TBCE: variants seen among roughly 807,000 people sequenced by gnomAD.
TBCE encodes the protein tubulin folding cofactor E.
In TBCE, 53 loss-of-function variants were observed where a neutral mutation model predicts 77.0. That is an observed-to-expected ratio of 0.69 (90% CI 0.55 to 0.87). The LOEUF is 0.87. Among genes scored for constraint, TBCE ranks in the 40% least tolerant of loss-of-function variants. The probability of loss-of-function intolerance (pLI) is 0.00; values close to 1 mark genes in which losing one functional copy is unlikely to be tolerated. For synonymous variants in TBCE, 235 were observed against 241.3 expected, an observed-to-expected ratio of 0.97 and a Z score of 0.24; for missense variants, 624 against 622.4, an observed-to-expected ratio of 1.00 and a Z score of -0.03.
Position 235,438,526 on chromosome 1 carries a change from C to T in TBCE, c.1117-243C>T, listed in dbSNP as rs902162052. ...TCATGCCACTGCACTCTAGCCTGGG[C>T]GACACAGCGAGACTCCATCTCAAAT... On this transcript the variant is annotated intron_variant, in intron 12 of 16. Transcript: ENST00000642610. 4.8e-5 allele frequency among the ~76,000 whole-genome samples: 7 copies of T among 147,262 alleles called. No individual in the cohort carries two copies. The East Asian group carries it at 7.9e-4, about 17-fold the overall frequency.
intron 3 of TBCE, among the ~76,000 whole-genome samples, chr1:235,408,628 C>A (rs1679602350): frequency 6.6e-6 from 1 of 152,096 alleles, no homozygotes; most frequent in Admixed American, 6.6e-5. Flanking sequence ...AAAGAGCAGT[C>A]TACAGCAAGG....
intron 7 of TBCE, chr1:235,432,855 A>T (rs983476832): frequency 1.1e-4 from 56 of 523,956 alleles, no homozygotes; most frequent in Non-Finnish European, 1.4e-4. Flanking sequence ...GATCCTGTAG[A>T]TGCTATATAT....
chr1:235,401,615 T>C (rs749047301), intron 3 of TBCE, 28 bp downstream of exon 3: 2 of 1,559,946 alleles, frequency 1.3e-6, no homozygotes, highest in Non-Finnish European at 1.8e-6. Flanking sequence ...ATCAGCACGG[T>C]CATTTAGTCA....
chr1:235,405,225 A>C (rs1490164890), intron 3 of TBCE, among the ~76,000 whole-genome samples: 1 of 151,652 alleles, frequency 6.6e-6, no homozygotes, highest in East Asian at 1.9e-4. Context: ...GGCTTCCCAA[A>C]TTGCTGAGAT....
intron 2 of TBCE, among the ~76,000 whole-genome samples, chr1:235,400,716 C>T (rs559648520): frequency 2.5e-5 from 3 of 118,076 alleles, no homozygotes; most frequent in East Asian, 2.7e-4. Flanking sequence ...TTTTTTGAGA[C>T]GGAATTTTGC....
At chr1:235,372,700 G>A (rs1310397053) in intron 1 of TBCE, among the ~76,000 whole-genome samples, 5 of 151,882 alleles carry the variant, frequency 3.3e-5, no homozygotes, top group South Asian at 2.1e-4. Flanking sequence ...CGAGGCGGGC[G>A]GATCTCGAGG....
chr1:235,372,944 AAG>A (rs1166845575), intron 1 of TBCE, among the ~76,000 whole-genome samples: 104 of 151,318 alleles, frequency 6.9e-4, no homozygotes, highest in African/African-American at 1.8e-3. Flanking sequence ...AAAAAAAAAA[AAG>A]AGAGAAATTA....
At position 235,423,153 on chromosome 1, in the gene TBCE, G is replaced by C. The variant is rs552304987; in HGVS notation, c.460+3592G>C. 3.9e-5 allele frequency among the ~76,000 whole-genome samples: 6 copies of C among 152,134 alleles called. No homozygotes were observed. The East Asian group carries it at 9.7e-4, about 25-fold the overall frequency. On this transcript the variant is annotated intron_variant, in intron 5 of 16. Coordinates refer to ENST00000642610, the MANE Select transcript of TBCE (RefSeq NM_003193.5). ...GAGGTTATTTACTCTACCAGAACTC[G>C]AGGCAGTGGGAGAGCTGCAGACCCG...
chr1:235,423,200 C>T (rs114160706), intron 5 of TBCE, among the ~76,000 whole-genome samples: 76 of 152,226 alleles, frequency 5.0e-4, no homozygotes, highest in African/African-American at 1.8e-3. Context: ...TCTGAGGGTA[C>T]TTCCAGGGGA....
chr1:235,422,744 G>A (rs550449653), intron 5 of TBCE, among the ~76,000 whole-genome samples: 4 of 151,662 alleles, frequency 2.6e-5, no homozygotes, highest in Admixed American at 6.6e-5. Context: ...CAGGAGAATC[G>A]CTTGAACCTG....
chr1:235,436,698 A>G, intron 11 of TBCE, 90 bp downstream of exon 11: 4 of 1,265,578 alleles, frequency 3.2e-6, no homozygotes, highest in Non-Finnish European at 4.6e-6. Context: ...AAAAAAGTAA[A>G]AAGAAATTTA....
At chr1:235,442,821 CAATT>C in intron 14 of TBCE, 27 bp from the exon 15 acceptor site, 1 of 1,599,184 alleles carries the variant, frequency 6.3e-7, no homozygotes, top group Non-Finnish European at 8.6e-7. Flanking sequence ...TAGTAGATAT[CAATT>C]AGTCTTTTTC....
chr1:235,449,111 G>GGAATTCTCTATTGAAACTACTA lies in TBCE; in HGVS notation c.*350_*371dup, dbSNP rs1274208206. 2 of 280,824 alleles carry GGAATTCTCTATTGAAACTACTA rather than the reference G, an allele frequency of 7.1e-6. No homozygotes were observed. Among genetic ancestry groups the GGAATTCTCTATTGAAACTACTA allele is most frequent in the Non-Finnish European group, 1.4e-5 (2 of 144,442 alleles). 17.4% of individuals were successfully genotyped at this position (280,824 alleles called of 1,614,324 possible). A position where few individuals can be genotyped will look rare whatever the true frequency, so the allele number is the denominator to read the frequency against. The stretch of plus-strand genomic sequence containing the variant: ...TATCTGTCATAAGACTAGTTTTAAT[G>GGAATTCTCTATTGAAACTACTA]GAATTCTCTATTGAAACTACTATTT... On this transcript the variant is annotated 3_prime_UTR_variant, in exon 17 of 17. Transcript: ENST00000642610.
chr1:235,441,990 C>T, intron 14 of TBCE, 108 bp downstream of exon 14: 1 of 957,784 alleles, frequency 1.0e-6, no homozygotes, highest in Non-Finnish European at 1.6e-6. Context: ...AAGTAAATGC[C>T]TTGAGTTTTA....
intron 2 of TBCE, among the ~76,000 whole-genome samples, chr1:235,396,448 A>C (rs1318825649): frequency 6.6e-6 from 1 of 152,200 alleles, no homozygotes; most frequent in Admixed American, 6.6e-5. Flanking sequence ...GCTGCAGTAA[A>C]CATAGGAGTG....
intron 4 of TBCE, among the ~76,000 whole-genome samples, chr1:235,416,353 AAAAT>A (rs1346363827): frequency 1.3e-5 from 2 of 151,894 alleles, no homozygotes; most frequent in African/African-American, 2.4e-5. Flanking sequence ...CTCTACAAAA[AAAAT>A]AAATAAATAA....
Position 235,450,019 on chromosome 1 carries a change from C to A in TBCE, c.*1257C>A. ...TAAAAACTTTTCTTATGCTACAGTA[C>A]AAGTTGATTTTTAAGGAAATTTGTG... On this transcript the variant is annotated 3_prime_UTR_variant, in exon 17 of 17. Transcript: ENST00000642610. 1 of 583,124 alleles carries A rather than the reference C, an allele frequency of 1.7e-6. No individual in the cohort carries two copies. The highest frequency in any genetic ancestry group is 2.8e-6 in the Non-Finnish European group (1 of 352,156). The allele number at this position is 583,124 out of a possible 1,614,324, so 36.1% of individuals were successfully genotyped here.
intron 2 of TBCE, among the ~76,000 whole-genome samples, chr1:235,382,061 A>G (rs966064871): frequency 5.6e-4 from 82 of 147,386 alleles, no homozygotes; most frequent in Non-Finnish European, 4.9e-4. Context: ...GAGAACATGC[A>G]GTGTTTGGTT....
At chr1:235,394,664 G>A (rs1206227243) in intron 2 of TBCE, among the ~76,000 whole-genome samples, 4 of 150,634 alleles carry the variant, frequency 2.7e-5, no homozygotes, top group Admixed American at 2.7e-4. Flanking sequence ...CAAGCAATCT[G>A]CCTGCCTAGG....
Sources: allele counts gnomAD v4.1 joint callset (sites outside exome capture counted in the v4.1 genomes callset), GRCh38; gene constraint gnomAD v4.1.1; transcripts MANE v1.5; gene names NCBI Gene and HGNC (gene_info 2026-07-23, HGNC 2026-07-21).